The following ROBO1 variants were observed in gnomAD, a reference collection of about 807,000 sequenced individuals.
ROBO1 encodes roundabout guidance receptor 1.
Under a neutral mutation model 195.9 loss-of-function variants are expected in ROBO1, and 149 were observed. The observed-to-expected ratio is 0.76, with a 90% CI of 0.67 to 0.87. The LOEUF is 0.87. Ranked by LOEUF, ROBO1 falls within the 40% of genes least tolerant of loss-of-function variation. The pLI is 0.00. For synonymous variants in ROBO1, 816 were observed against 733.2 expected (o/e 1.11, Z -1.82); for missense variants, 1,933 against 2,068.3 (o/e 0.93, Z 1.27).
chr3:78,709,516 T>C (rs370594272), intron 8 of ROBO1, among the ~76,000 whole-genome samples: 54 of 152,314 alleles, frequency 3.5e-4, no homozygotes, highest in Non-Finnish European at 7.1e-4. Context: ...AAACCTGCAT[T>C]ATTAAGTAAT....
At chr3:79,728,445 CTT>C (rs975015221) in intron 1 of ROBO1, among the ~76,000 whole-genome samples, 3 of 152,094 alleles carry the variant, frequency 2.0e-5, no homozygotes, top group Non-Finnish European at 2.9e-5. Flanking sequence ...ATCGATAACT[CTT>C]TGTTTTGTTA....
intron 2 of ROBO1, among the ~76,000 whole-genome samples, chr3:79,520,012 G>GA (rs1168967314): frequency 6.6e-6 from 1 of 151,744 alleles, no homozygotes; most frequent in Admixed American, 6.6e-5. Flanking sequence ...TTTTAAAAAA[G>GA]AAAAAATCAG....
chr3:79,746,575 T>C (rs904487528), intron 1 of ROBO1, among the ~76,000 whole-genome samples: 1 of 152,064 alleles, frequency 6.6e-6, no homozygotes, highest in Non-Finnish European at 1.5e-5. Context: ...TACCTCACTT[T>C]TCCTGTCCTG....
chr3:79,321,765 C>T (rs926636820), intron 2 of ROBO1, among the ~76,000 whole-genome samples: 9 of 152,126 alleles, frequency 5.9e-5, no homozygotes, highest in East Asian at 1.9e-4. Context: ...AGAAAGGAGA[C>T]GGGCTAGATA....
At chr3:79,661,105 C>G (rs529432112) in intron 1 of ROBO1, among the ~76,000 whole-genome samples, 1 of 152,044 alleles carries the variant, frequency 6.6e-6, no homozygotes, top group Non-Finnish European at 1.5e-5. Context: ...ACTACCCATA[C>G]GCCCCTTCTT....
intron 2 of ROBO1, among the ~76,000 whole-genome samples, chr3:79,410,876 G>A (rs555736820): frequency 6.6e-6 from 1 of 152,150 alleles, no homozygotes; most frequent in East Asian, 1.9e-4. Flanking sequence ...AATCAGTAAA[G>A]CAGAACAGTA....
chr3:78,962,297 G>A (rs1313142446), intron 3 of ROBO1, among the ~76,000 whole-genome samples: 1 of 152,170 alleles, frequency 6.6e-6, no homozygotes, highest in Admixed American at 6.5e-5. Flanking sequence ...CTCTGGGTGT[G>A]AATGAAGATA....
At chr3:79,259,565 C>T (rs2082901231) in intron 2 of ROBO1, among the ~76,000 whole-genome samples, 2 of 151,892 alleles carry the variant, frequency 1.3e-5, no homozygotes, top group African/African-American at 4.8e-5. Flanking sequence ...ATTAACCATC[C>T]CCACCTCCCC....
chr3:78,824,605 T>C (rs545962545), intron 4 of ROBO1, among the ~76,000 whole-genome samples: 2 of 152,222 alleles, frequency 1.3e-5, no homozygotes, highest in Admixed American at 6.5e-5. Flanking sequence ...AGAAAATAAG[T>C]TTTGGAATGA....
At chr3:78,904,524 T>C (rs539871012) in intron 4 of ROBO1, among the ~76,000 whole-genome samples, 1 of 152,078 alleles carries the variant, frequency 6.6e-6, no homozygotes, top group African/African-American at 2.4e-5. Flanking sequence ...TCTACTCCAG[T>C]TGCATTTATG....
At chr3:78,786,428 T>C (rs779516684) in intron 4 of ROBO1, among the ~76,000 whole-genome samples, 11 of 152,196 alleles carry the variant, frequency 7.2e-5, no homozygotes, top group African/African-American at 9.7e-5. Flanking sequence ...TGCTATTATA[T>C]ACATATTTCA....
rs140054660 is a variant in ROBO1, at chr3:79,394,754, C to A, written c.88+195070G>T. 1.2e-3 allele frequency among the ~76,000 whole-genome samples: 181 copies of A among 152,114 alleles called. 1 individual carries two copies. The highest frequency in any genetic ancestry group is 4.2e-3 in the African/African-American group (173 of 41,502). On this transcript the variant is annotated intron_variant, in intron 2 of 30. Transcript: ENST00000464233. ...TGATGAAAATTCAACCTGTCATCGCCTTTAAGGATGTAAATAGGCAGGTAC... is the reference window on the plus strand; with the variant it reads ...TGATGAAAATTCAACCTGTCATCGCATTTAAGGATGTAAATAGGCAGGTAC...
chr3:79,365,224 C>T (rs974383821), intron 2 of ROBO1, among the ~76,000 whole-genome samples: 4 of 152,146 alleles, frequency 2.6e-5, no homozygotes, highest in African/African-American at 9.7e-5. Context: ...CCTTCACCAG[C>T]ATTTTTTATA....
intron 5 of ROBO1, among the ~76,000 whole-genome samples, chr3:78,718,181 A>G (rs1047982627): frequency 2.6e-5 from 4 of 152,226 alleles, no homozygotes; most frequent in African/African-American, 9.6e-5. Context: ...TTATTTAGTT[A>G]AGTGAAAAAC....
At chr3:79,432,772 A>G (rs2038728153) in intron 2 of ROBO1, among the ~76,000 whole-genome samples, 1 of 152,086 alleles carries the variant, frequency 6.6e-6, no homozygotes, top group Non-Finnish European at 1.5e-5. Context: ...TTTAAGAAAA[A>G]TCAATGCCAC....
At chr3:79,378,294 T>C (rs908242351) in intron 2 of ROBO1, among the ~76,000 whole-genome samples, 8 of 151,930 alleles carry the variant, frequency 5.3e-5, no homozygotes, top group African/African-American at 2.4e-5. Flanking sequence ...TCTGGGAAAC[T>C]CTCTTTTCCC....
intron 29 of ROBO1, 112 bp downstream of exon 29, chr3:78,606,621 G>T: frequency 9.6e-7 from 1 of 1,041,912 alleles, no homozygotes; most frequent in South Asian, 1.5e-5. Context: ...CTCCTCCACT[G>T]GAGAGCAAAC....
intron 4 of ROBO1, among the ~76,000 whole-genome samples, chr3:78,866,614 T>C (rs1467448332): frequency 1.3e-5 from 2 of 152,192 alleles, no homozygotes; most frequent in Non-Finnish European, 2.9e-5. Flanking sequence ...TGTTGTAGGG[T>C]AAATTTGCAT....
At chr3:78,767,369 G>A (rs558016532) in intron 4 of ROBO1, among the ~76,000 whole-genome samples, 13 of 152,078 alleles carry the variant, frequency 8.5e-5, no homozygotes, top group Middle Eastern at 3.4e-3. Context: ...GGGGTCAAGC[G>A]ATTCTCCTGC....
Sources: gnomAD v4.1 joint callset for allele counts (sites outside exome capture counted in the v4.1 genomes callset) on GRCh38, gnomAD v4.1.1 for gene constraint, MANE v1.5 for transcripts, NCBI Gene and HGNC (gene_info 2026-07-23, HGNC 2026-07-21) for gene names.